Variants in BLK observed in about 807,000 individuals in gnomAD.
BLK encodes BLK proto-oncogene, Src family tyrosine kinase, also known as tyrosine-protein kinase Blk.
Under a neutral mutation model 61.8 loss-of-function variants are expected in BLK, and 64 were observed. That is an observed-to-expected ratio of 1.03 (90% CI 0.85 to 1.27). The LOEUF (loss-of-function observed/expected upper bound fraction) is 1.27. Among genes scored for constraint, BLK ranks in the 50% most tolerant of loss-of-function variants. The pLI is 0.00. For missense variants in BLK, 853 were observed against 660.5 expected, an observed-to-expected ratio of 1.29 and a Z score of -3.19; for synonymous variants, 351 against 272.0, an observed-to-expected ratio of 1.29 and a Z score of -2.86.
In BLK at chr8:11,529,532, C is replaced by T. The variant is rs182025945; in HGVS notation, c.-1-13692C>T. Among the ~76,000 whole-genome samples the T allele has an allele frequency of 1.3e-3, 192 of 152,184 alleles. 1 individual carries two copies. The highest frequency in any genetic ancestry group is 2.3e-3 in the Non-Finnish European group (157 of 68,012). ...TCTGCAAAATATCTCAAGCGCTGAT[C>T]TTAGGAGCAGTTTGGGGGGTGGGAG... On this transcript the variant is annotated intron_variant, in intron 1 of 12. Transcript: ENST00000259089.
At chr8:11,563,784 G>A (rs1801599441) in intron 12 of BLK, 119 bp from the exon 13 acceptor site, 1 of 963,534 alleles carries the variant, frequency 1.0e-6, no homozygotes, top group African/African-American at 1.6e-5. Context: ...GAAGTGGTCT[G>A]GGACTGTGGG....
intron 1 of BLK, among the ~76,000 whole-genome samples, chr8:11,535,261 G>GAAAGAAAGAAAGA (rs769872213): frequency 1.8e-5 from 2 of 110,454 alleles, no homozygotes; most frequent in African/African-American, 7.3e-5. Context: ...AAGAAAGAAA[G>GAAAGAAAGAAAGA]AAGAAAGAAA....
chr8:11,537,964 A>G (rs902516067), intron 1 of BLK, among the ~76,000 whole-genome samples: 2 of 151,814 alleles, frequency 1.3e-5, no homozygotes, highest in Admixed American at 1.3e-4. Context: ...ATAAACAAAC[A>G]ACTCCCCTTT....
At chr8:11,499,222 T>C (rs1798469941) in intron 1 of BLK, among the ~76,000 whole-genome samples, 1 of 152,236 alleles carries the variant, frequency 6.6e-6, no homozygotes, top group South Asian at 2.1e-4. Flanking sequence ...CAGTATTTAG[T>C]ACAGTCGCAG....
chr8:11,558,114 A>G, intron 10 of BLK, 76 bp downstream of exon 10: 2 of 1,424,328 alleles, frequency 1.4e-6, no homozygotes, highest in Non-Finnish European at 2.0e-6. Context: ...GTGCCTTACC[A>G]CCCCATCCTC....
At chr8:11,556,062 T>A (rs998042746) in intron 8 of BLK, 1 of 234,556 alleles carries the variant, frequency 4.3e-6, no homozygotes, top group Non-Finnish European at 8.4e-6. Context: ...GAGTGCTCCC[T>A]TACCTGGGGC....
chr8:11,546,840 TGCTGG>T (rs1301298084), intron 3 of BLK, among the ~76,000 whole-genome samples: 1 of 152,220 alleles, frequency 6.6e-6, no homozygotes, highest in Admixed American at 6.5e-5. Context: ...CCTCTCAAAG[TGCTGG>T]GATTACAGGC....
intron 1 of BLK, among the ~76,000 whole-genome samples, chr8:11,514,404 C>A (rs909352654): frequency 1.3e-5 from 2 of 152,238 alleles, no homozygotes; most frequent in African/African-American, 4.8e-5. Flanking sequence ...TTGCGGGCTA[C>A]AGGCAAGAGC....
At chr8:11,514,566 A>G (rs1799149735) in intron 1 of BLK, among the ~76,000 whole-genome samples, 1 of 152,172 alleles carries the variant, frequency 6.6e-6, no homozygotes, top group Non-Finnish European at 1.5e-5. Flanking sequence ...CAAGTGACAC[A>G]GTGCAGAGAT....
At chr8:11,531,137 G>A (rs1288966432) in intron 1 of BLK, among the ~76,000 whole-genome samples, 1 of 152,096 alleles carries the variant, frequency 6.6e-6, no homozygotes, top group African/African-American at 2.4e-5. Context: ...CTGCTCAGCT[G>A]TCTTCTCTGT....
chr8:11,520,718 C>G (rs1333019647), intron 1 of BLK, among the ~76,000 whole-genome samples: 2 of 151,494 alleles, frequency 1.3e-5, no homozygotes. Flanking sequence ...TGTAATACAA[C>G]AAGAAAAGGT....
At chr8:11,555,206 T>A in intron 7 of BLK, 126 bp from the exon 8 acceptor site, 2 of 1,282,552 alleles carry the variant, frequency 1.6e-6, no homozygotes, top group Admixed American at 1.7e-5. Flanking sequence ...TGCAGGCGTG[T>A]GCACACACCC....
At chr8:11,542,381 T>G (rs1048590088) in intron 1 of BLK, among the ~76,000 whole-genome samples, 10 of 152,230 alleles carry the variant, frequency 6.6e-5, no homozygotes, top group Non-Finnish European at 1.3e-4. Flanking sequence ...ACTTGGGTGC[T>G]TCCTCTCTAT....
At chr8:11,538,536 TTCTG>T (rs1286370044) in intron 1 of BLK, among the ~76,000 whole-genome samples, 1 of 152,236 alleles carries the variant, frequency 6.6e-6, no homozygotes, top group African/African-American at 2.4e-5. Flanking sequence ...GAATTTTACT[TTCTG>T]TCCGGTTCTT....
chr8:11,536,180 G>A lies in BLK; in HGVS notation c.-1-7044G>A, dbSNP rs560895657. Among the ~76,000 whole-genome samples the A allele has an allele frequency of 1.2e-4, 18 of 152,314 alleles. No homozygotes were observed. The South Asian group carries it at 2.9e-3, about 25-fold the overall frequency. ...ATGAAGTAACATTGGGGTTATGTGA[G>A]CAAATGTCTCCATGCTTTAGAAACA... On this transcript the variant is annotated intron_variant, in intron 1 of 12. Coordinates refer to ENST00000259089, the MANE Select transcript of BLK (RefSeq NM_001715.3).
intron 1 of BLK, among the ~76,000 whole-genome samples, chr8:11,532,864 T>C (rs557517251): frequency 6.6e-6 from 1 of 152,358 alleles, no homozygotes; most frequent in East Asian, 1.9e-4. Context: ...CACACTTGCA[T>C]GTGGCACACT....
chr8:11,523,577 G>C (rs1292760291), intron 1 of BLK, among the ~76,000 whole-genome samples: 1 of 151,980 alleles, frequency 6.6e-6, no homozygotes, highest in Non-Finnish European at 1.5e-5. Context: ...AAATTAGTAA[G>C]TTAAAAAGCA....
intron 5 of BLK, 141 bp from the exon 6 acceptor site, chr8:11,550,018 G>C: frequency 1.3e-6 from 1 of 750,956 alleles, no homozygotes; most frequent in Non-Finnish European, 2.3e-6. Flanking sequence ...ACGGTGTGAG[G>C]AGCAGCAGCT....
chr8:11,528,290 C>A (rs1337964664), intron 1 of BLK, among the ~76,000 whole-genome samples: 1 of 152,136 alleles, frequency 6.6e-6, no homozygotes, highest in East Asian at 1.9e-4. Flanking sequence ...CCCACCTTGG[C>A]CTCCCAAAGT....
Sources: gnomAD v4.1 joint callset for allele counts (sites outside exome capture counted in the v4.1 genomes callset) on GRCh38, gnomAD v4.1.1 for gene constraint, MANE v1.5 for transcripts, NCBI Gene and HGNC (gene_info 2026-07-23, HGNC 2026-07-21) for gene names.